SP6: variants seen among roughly 807,000 people sequenced by gnomAD.
The protein encoded by SP6 is Sp6 transcription factor, also known as transcription factor Sp6.
A neutral mutation model predicts 23.4 loss-of-function variants in SP6; 10 were observed. The ratio of observed to expected loss-of-function variants is 0.43; its 90% CI spans 0.26 to 0.72. The LOEUF is 0.72. SP6 is among the 30% of genes least tolerant of loss of function. The pLI is 0.23. For synonymous variants in SP6, 238 were observed against 238.7 expected (o/e 1.00, Z 0.03); for missense variants, 482 against 523.8 (o/e 0.92, Z 0.78).
the SP6 span, among the ~76,000 whole-genome samples, chr17:47,868,164 G>C: frequency 2.6e-5 from 4 of 152,130 alleles, no homozygotes; most frequent in African/African-American, 9.7e-5. Context: ...CTGCAGCACA[G>C]AGCCTCGCCA....
the SP6 span, among the ~76,000 whole-genome samples, chr17:47,867,395 C>T: frequency 6.6e-6 from 1 of 151,998 alleles, no homozygotes; most frequent in African/African-American, 2.4e-5. Context: ...TTCTTCGTGT[C>T]TATCTAAGAA....
At chr17:47,860,549 G>A (rs2034028241), upstream of SP6, among the ~76,000 whole-genome samples, 2 of 152,118 alleles carry the variant, frequency 1.3e-5, no homozygotes, top group African/African-American at 4.8e-5. Flanking sequence ...TGCCAGGTCA[G>A]AGGTTGGTGA....
the SP6 span, among the ~76,000 whole-genome samples, chr17:47,863,589 A>G: frequency 1.3e-5 from 1 of 76,792 alleles, no homozygotes. Flanking sequence ...TTTTTTTGAG[A>G]CAGAGTTTCT....
At chr17:47,870,753 C>A in the SP6 span, among the ~76,000 whole-genome samples, 3 of 152,106 alleles carry the variant, frequency 2.0e-5, no homozygotes, top group African/African-American at 7.2e-5. Flanking sequence ...AATTGGCACC[C>A]CAGAACCCCC....
rs9897598 is a variant in SP6 at position 47,846,130 on chromosome 17, G to A, written c.*1169C>T. The A allele has an allele frequency of 0.21, 32,195 of 152,180 alleles. 4,696 individuals carry two copies. The highest frequency in any genetic ancestry group is 0.41 in the African/African-American group (17,165 of 41,468). 9.4% of individuals were successfully genotyped at this position (152,180 alleles called of 1,614,324 possible). On this transcript the variant is annotated 3_prime_UTR_variant, in exon 2 of 2. Transcript: ENST00000536300. Reference sequence around the variant, plus strand: ...TCCTCTCCCTTCCCCTGTGAGATGAGGGGGAGGAAGGAATCCCCTAATGAA... The same window carrying A: ...TCCTCTCCCTTCCCCTGTGAGATGAAGGGGAGGAAGGAATCCCCTAATGAA...
Position 47,848,365 on chromosome 17 carries a change from G to GGCGGGGAGGCGT in SP6, c.53_64dup (p.His18_Pro21dup). On this transcript the variant is annotated inframe_insertion, in exon 2 of 2. Transcript: ENST00000536300. The surrounding 1 kb of genome is among the most constrained non-coding windows in gnomAD (Gnocchi z 5.3). ...TTGGAGAGGCTGCAGGTCGAGGCGC[G>GGCGGGGAGGCGT]GCGGGGAGGCGTGCGGCGCTTCCGT... is the stretch of plus-strand genomic sequence containing the variant. The GGCGGGGAGGCGT allele has an allele frequency of 6.3e-7, 1 of 1,584,290 alleles. No homozygotes were observed. The highest frequency in any genetic ancestry group is 2.3e-5 in the East Asian group (1 of 43,600).
At chr17:47,850,322 T>C (rs1232545722) in intron 1 of SP6, among the ~76,000 whole-genome samples, 12 of 152,044 alleles carry the variant, frequency 7.9e-5, no homozygotes, top group Non-Finnish European at 1.6e-4. Context: ...CCAGTCCCAC[T>C]GGGTGGAAAA....
chr17:47,854,722 C>G (rs2143661092), upstream of SP6, among the ~76,000 whole-genome samples: 1 of 152,340 alleles, frequency 6.6e-6, no homozygotes, highest in African/African-American at 2.4e-5. Context: ...CAAAGCTGGT[C>G]TAGCCCCAAA....
upstream of SP6, among the ~76,000 whole-genome samples, chr17:47,851,941 G>GT (rs1271893871): frequency 6.6e-6 from 1 of 151,502 alleles, no homozygotes; most frequent in African/African-American, 2.4e-5. Flanking sequence ...CTCCCCTTAG[G>GT]TAGCAACCCC....
chr17:47,860,460 T>C (rs568339460), upstream of SP6, among the ~76,000 whole-genome samples: 1 of 152,352 alleles, frequency 6.6e-6, no homozygotes, highest in African/African-American at 2.4e-5. Flanking sequence ...CAGCATCTTA[T>C]ACAGCAACTA....
At chr17:47,864,603 GGTCCA>G in the SP6 span, 1 of 152,240 alleles carries the variant, frequency 6.6e-6, no homozygotes, top group African/African-American at 2.4e-5. Flanking sequence ...AGGTGGTCAT[GGTCCA>G]GTTCCTTGCC....
At position 47,848,603 on chromosome 17, in the gene SP6, C is replaced by G; in HGVS notation, c.-57-117G>C. The stretch of plus-strand genomic sequence containing the variant: ...AGAAGGATGCACCTCTGAACGAGGA[C>G]TAGAGATGAGTTTAGAGAATTCGGG... On this transcript the variant is annotated intron_variant, in intron 1 of 1. Transcript: ENST00000536300. This position sits in a 1 kb window ranked among gnomAD's most constrained non-coding sequence, Gnocchi z 5.3. The G allele has an allele frequency of 1.7e-6, 1 of 600,964 alleles. No homozygotes were observed. The highest frequency in any genetic ancestry group is 2.9e-6 in the Non-Finnish European group (1 of 344,406). The allele number at this position is 600,964 out of a possible 1,614,324, so 37.2% of individuals were successfully genotyped here.
chr17:47,864,784 C>T, the SP6 span: 6 of 152,438 alleles, frequency 3.9e-5, no homozygotes, highest in African/African-American at 1.4e-4. Flanking sequence ...CGGGATGTGC[C>T]CTGGACGTGA....
At chr17:47,874,312 A>G in the SP6 span, among the ~76,000 whole-genome samples, 1 of 152,032 alleles carries the variant, frequency 6.6e-6, no homozygotes, top group Admixed American at 6.6e-5. Flanking sequence ...GCTGGTCTCG[A>G]ATTCCTGGGC....
chr17:47,872,488 C>T, the SP6 span, among the ~76,000 whole-genome samples: 1 of 152,168 alleles, frequency 6.6e-6, no homozygotes, highest in African/African-American at 2.4e-5. Context: ...CCAGCGGACG[C>T]AGGAGGCTCA....
At chr17:47,851,707 A>T (rs1025068248), upstream of SP6, among the ~76,000 whole-genome samples, 1 of 75,506 alleles carries the variant, frequency 1.3e-5, no homozygotes, top group African/African-American at 5.1e-5. Flanking sequence ...CATTCCCCCG[A>T]CCCCCGACCC....
the SP6 span, among the ~76,000 whole-genome samples, chr17:47,872,886 G>A: frequency 6.6e-6 from 1 of 152,196 alleles, no homozygotes; most frequent in Non-Finnish European, 1.5e-5. Context: ...GAGACCTCCT[G>A]GGGACCCCAC....
the SP6 span, among the ~76,000 whole-genome samples, chr17:47,874,665 TTGC>T: frequency 6.6e-6 from 1 of 152,152 alleles, no homozygotes; most frequent in East Asian, 1.9e-4. Context: ...ACGTTTGCCC[TTGC>T]TGATATGGGC....
At chr17:47,861,028 C>G in the SP6 span, among the ~76,000 whole-genome samples, 1 of 152,208 alleles carries the variant, frequency 6.6e-6, no homozygotes, top group African/African-American at 2.4e-5. Flanking sequence ...CAGGACCTGG[C>G]AGGCGGAATC....
Sources: allele counts gnomAD v4.1 joint callset (sites outside exome capture counted in the v4.1 genomes callset), GRCh38; gene constraint gnomAD v4.1.1; non-coding constraint Gnocchi (gnomAD v3.1); transcripts MANE v1.5; gene names NCBI Gene and HGNC (gene_info 2026-07-23, HGNC 2026-07-21).